Variants in RBM20 observed in about 807,000 individuals in gnomAD.
RBM20 encodes the protein RNA-binding protein 20.
Under a neutral mutation model 110.1 loss-of-function variants are expected in RBM20, and 51 were observed. That is an observed-to-expected ratio of 0.46 (90% CI 0.37 to 0.59). The LOEUF (loss-of-function observed/expected upper bound fraction) is 0.59, where lower values mean the gene tolerates loss of function less well. RBM20 is among the 20% of genes least tolerant of loss of function. RBM20 has a pLI of 0.00. For synonymous variants in RBM20, 589 were observed against 618.2 expected (o/e 0.95, Z 0.70); for missense variants, 1,512 against 1,574.9 (o/e 0.96, Z 0.68).
At chr10:110,661,337 C>T (rs1862098716) in intron 1 of RBM20, among the ~76,000 whole-genome samples, 1 of 152,140 alleles carries the variant, frequency 6.6e-6, no homozygotes, top group African/African-American at 2.4e-5. Flanking sequence ...TTCTCATGGC[C>T]CAGCTCCAGC....
intron 1 of RBM20, among the ~76,000 whole-genome samples, chr10:110,758,654 G>A (rs1430080474): frequency 1.3e-5 from 2 of 152,182 alleles, no homozygotes; most frequent in African/African-American, 4.8e-5. Flanking sequence ...CCGATGATAT[G>A]TGCTGTCTAG....
At position 110,812,616 on chromosome 10, in the gene RBM20, C is replaced by T. The variant is rs730880183; in HGVS notation, c.2219C>T (p.Ser740Phe). The T allele has an allele frequency of 1.3e-6, 2 of 1,551,696 alleles. No individual in the cohort carries two copies. The highest frequency in any genetic ancestry group is 1.7e-6 in the Non-Finnish European group (2 of 1,147,006). ...CCCCACCGGGAGAAGTACCCGAGAT[C>T]TGGGTCTCCCAACCTGCCCCACTCT... ...GRPHREKYPR[S>F]GSPNLPHSVS... The change falls in exon 9 of 14, where the codon TCT becomes TTT. Residue 740 changes from serine to phenylalanine, a missense_variant. Around this residue, in one of 3 missense-constraint regions of RBM20, gnomAD observed 1,149 missense variants for 1,169.4 expected, o/e 0.98. Coordinates refer to ENST00000369519, the MANE Select transcript of RBM20 (RefSeq NM_001134363.3).
chr10:110,761,365 T>G (rs1004024867), intron 1 of RBM20: 1 of 122,412 alleles, frequency 8.2e-6, no homozygotes, highest in African/African-American at 3.1e-5. Flanking sequence ...GAAAGCCTTT[T>G]ACATGGCTGT....
chr10:110,678,567 T>A (rs1180713108), intron 1 of RBM20, among the ~76,000 whole-genome samples: 1 of 152,190 alleles, frequency 6.6e-6, no homozygotes, highest in Non-Finnish European at 1.5e-5. Flanking sequence ...CACTCTTGAG[T>A]GTGCAAGGCC....
chr10:110,648,563 A>T (rs377047745), intron 1 of RBM20, among the ~76,000 whole-genome samples: 1 of 152,228 alleles, frequency 6.6e-6, no homozygotes, highest in Admixed American at 6.5e-5. Context: ...GCCAGTTAAC[A>T]TCAGTTTGAG....
chr10:110,732,340 A>G (rs1002615760), intron 1 of RBM20, among the ~76,000 whole-genome samples: 4 of 151,794 alleles, frequency 2.6e-5, no homozygotes, highest in Non-Finnish European at 4.4e-5. Flanking sequence ...GCTCTTTCCT[A>G]TGAGAATTAT....
intron 13 of RBM20, chr10:110,831,388 A>T: frequency 2.0e-6 from 1 of 488,414 alleles, no homozygotes; most frequent in South Asian, 3.5e-5. Flanking sequence ...TACATGGAAA[A>T]CCCCTAATCT....
chr10:110,799,382 T>C (rs1399525390), intron 6 of RBM20, among the ~76,000 whole-genome samples: 5 of 152,184 alleles, frequency 3.3e-5, no homozygotes, highest in Non-Finnish European at 5.9e-5. Context: ...TGAGCTCTTT[T>C]GGTGATGTTT....
chr10:110,833,557 G>A (rs1287355625), intron 13 of RBM20, among the ~76,000 whole-genome samples: 1 of 152,040 alleles, frequency 6.6e-6, no homozygotes, highest in African/African-American at 2.4e-5. Context: ...CAGTAGTATT[G>A]TGCAGCCCTT....
In RBM20 at chr10:110,701,031, GCAAA is replaced by G. The variant is rs888713643; in HGVS notation, c.191+56399_191+56402del. Among the ~76,000 whole-genome samples the G allele has an allele frequency of 1.1e-4, 17 of 152,060 alleles. No homozygotes were observed. In the South Asian group the frequency reaches 2.9e-3, roughly 26 times the overall value. On this transcript the variant is annotated intron_variant, in intron 1 of 13. Coordinates refer to ENST00000369519, the MANE Select transcript of RBM20 (RefSeq NM_001134363.3). Reference sequence around the variant, plus strand: ...CTCCGTCTCAAAAAAACAAAACAAAGCAAACAAACAAACAAAAACCTCTCTTTGC... The same window carrying G: ...CTCCGTCTCAAAAAAACAAAACAAAGCAAACAAACAAAAACCTCTCTTTGC...
In RBM20 at chr10:110,812,712, T is replaced by C. The variant is rs1844788898; in HGVS notation, c.2315T>C (p.Leu772Pro). 1 of 1,551,490 alleles carries C rather than the reference T, an allele frequency of 6.4e-7. No homozygotes were observed. The highest frequency in any genetic ancestry group is 8.7e-7 in the Non-Finnish European group (1 of 1,146,968). Residue 772 changes from leucine (L) to proline (P), a missense_variant, in exon 9 of 14, where the codon CTG (leucine) becomes CCG (proline). This residue lies in a region of RBM20 where 1,149 missense variants were observed against 1,169.4 expected (regional missense o/e 0.98). Coordinates refer to ENST00000369519, the MANE Select transcript of RBM20 (RefSeq NM_001134363.3). ...CCCAAAGCCAAGTCGGACAAGTATC[T>C]GAAGCAGCAGCAGGATGCCCCCGGG... ...KEPKAKSDKY[L>P]KQQQDAPGRS...
At chr10:110,833,685 C>T (rs1404971987) in intron 13 of RBM20, among the ~76,000 whole-genome samples, 4 of 152,222 alleles carry the variant, frequency 2.6e-5, no homozygotes, top group African/African-American at 9.7e-5. Flanking sequence ...GTGTTCTGAG[C>T]CTCTGGGCCA....
chr10:110,810,837 A>G (rs1379930257), intron 8 of RBM20, among the ~76,000 whole-genome samples: 1 of 121,762 alleles, frequency 8.2e-6, no homozygotes, highest in Non-Finnish European at 1.8e-5. Context: ...GTGTGTGTGC[A>G]TGTGTGTGCG....
chr10:110,770,214 A>G (rs1217648350), intron 1 of RBM20, among the ~76,000 whole-genome samples: 2 of 152,086 alleles, frequency 1.3e-5, no homozygotes, highest in African/African-American at 4.8e-5. Context: ...TCTGTGTTTT[A>G]GGAAGTTCTC....
At chr10:110,646,865 T>G (rs535970926) in intron 1 of RBM20, among the ~76,000 whole-genome samples, 1 of 152,360 alleles carries the variant, frequency 6.6e-6, no homozygotes, top group South Asian at 2.1e-4. Context: ...CCTGTTGATT[T>G]GGGGAATTTT....
At chr10:110,664,216 A>G (rs1862146136) in intron 1 of RBM20, among the ~76,000 whole-genome samples, 1 of 152,212 alleles carries the variant, frequency 6.6e-6, no homozygotes, top group Admixed American at 6.5e-5. Flanking sequence ...ATCCTTAGAA[A>G]AATGTTGATT....
At chr10:110,672,228 G>T (rs2419569) in intron 1 of RBM20, among the ~76,000 whole-genome samples, 45,088 of 152,144 alleles carry the variant, frequency 0.3, 8,257 homozygotes, top group East Asian at 0.64. Flanking sequence ...CGCCGCGGGT[G>T]GGGGCAGTGG....
intron 1 of RBM20, among the ~76,000 whole-genome samples, chr10:110,694,355 G>A: frequency 6.6e-6 from 1 of 152,154 alleles, no homozygotes. Flanking sequence ...TCCTATTAAA[G>A]AACTGAATTC....
chr10:110,730,467 A>C (rs1843609345), intron 1 of RBM20, among the ~76,000 whole-genome samples: 1 of 152,336 alleles, frequency 6.6e-6, no homozygotes, highest in South Asian at 2.1e-4. Flanking sequence ...ACACGGCTTC[A>C]GTCCCGAGGA....
Sources: allele counts gnomAD v4.1 joint callset (sites outside exome capture counted in the v4.1 genomes callset), GRCh38; gene constraint gnomAD v4.1.1; regional missense constraint gnomAD v4.1.1; transcripts MANE v1.5; gene names NCBI Gene and HGNC (gene_info 2026-07-23, HGNC 2026-07-21).